Variants in RSRC1 observed in about 807,000 individuals in gnomAD.
RSRC1 encodes the protein serine/Arginine-related protein 53.
In RSRC1, 39 loss-of-function variants were observed where a neutral mutation model predicts 49.1. That is an observed-to-expected ratio of 0.79 (90% CI 0.61 to 1.04). RSRC1 has a LOEUF of 1.04. Among genes scored for constraint, RSRC1 ranks in the 50% least tolerant of loss-of-function variants. The pLI is 0.00. For synonymous variants in RSRC1, 143 were observed against 130.8 expected, an observed-to-expected ratio of 1.09 and a Z score of -0.63; for missense variants, 388 against 402.4, an observed-to-expected ratio of 0.96 and a Z score of 0.31.
intron 7 of RSRC1, among the ~76,000 whole-genome samples, chr3:158,483,266 ACATTCT>A (rs1342499822): frequency 1.3e-5 from 2 of 152,032 alleles, no homozygotes; most frequent in Non-Finnish European, 2.9e-5. Context: ...TAAACACTAA[ACATTCT>A]CAGTAATATT....
chr3:158,262,236 T>G (rs139287355), intron 4 of RSRC1, among the ~76,000 whole-genome samples: 120 of 152,364 alleles, frequency 7.9e-4, no homozygotes, highest in African/African-American at 2.8e-3. Context: ...TTCTGTTTAC[T>G]TCTACCAGTT....
At chr3:158,236,986 T>A (rs141989253) in intron 4 of RSRC1, among the ~76,000 whole-genome samples, 1 of 152,268 alleles carries the variant, frequency 6.6e-6, no homozygotes, top group East Asian at 1.9e-4. Context: ...TAGATAAAAC[T>A]GGTTTTAGGT....
At chr3:158,201,597 T>G (rs1721050796) in intron 3 of RSRC1, among the ~76,000 whole-genome samples, 1 of 152,204 alleles carries the variant, frequency 6.6e-6, no homozygotes, top group Non-Finnish European at 1.5e-5. Context: ...TTTATTTGCA[T>G]GTATACAGAT....
intron 3 of RSRC1, among the ~76,000 whole-genome samples, chr3:158,184,106 G>A (rs1719789013): frequency 6.6e-6 from 1 of 151,892 alleles, no homozygotes; most frequent in South Asian, 2.1e-4. Context: ...AAACATGCAG[G>A]ATAAAGATCC....
chr3:158,275,963 G>T lies in RSRC1; in HGVS notation c.495-22076G>T, dbSNP rs1024461612. On this transcript the variant is annotated intron_variant, in intron 4 of 9. Transcript: ENST00000611884. ...ACACATTTCCCTGTGCTTGTGGACTGGTTCGGTGATCCATGGGTGTCAGGA... is the reference window on the plus strand; with the variant it reads ...ACACATTTCCCTGTGCTTGTGGACTTGTTCGGTGATCCATGGGTGTCAGGA... 7 of 750,812 alleles carry T rather than the reference G, an allele frequency of 9.3e-6. No individual in the cohort carries two copies. The Middle Eastern group carries it at 1.1e-3, about 122-fold the overall frequency. 46.5% of individuals were successfully genotyped at this position (750,812 alleles called of 1,614,324 possible). A position where few individuals can be genotyped will look rare whatever the true frequency, so the allele number is the denominator to read the frequency against.
rs535649259 is a variant in RSRC1, at chr3:158,255,546, G to A, written c.495-42493G>A. ...TGGCTTAGGATTGACTTGGAGATGC[G>A]GGCTCTTTTTTGGTTCCATATGGAC... On this transcript the variant is annotated intron_variant, in intron 4 of 9. Coordinates refer to ENST00000611884, the MANE Select transcript of RSRC1 (RefSeq NM_001271838.2). 7.2e-4 allele frequency among the ~76,000 whole-genome samples: 109 copies of A among 152,164 alleles called. 1 individual carries two copies. The highest frequency in any genetic ancestry group is 2.4e-3 in the African/African-American group (101 of 41,512).
intron 4 of RSRC1, among the ~76,000 whole-genome samples, chr3:158,254,852 T>C (rs981618067): frequency 6.6e-6 from 1 of 152,220 alleles, no homozygotes; most frequent in African/African-American, 2.4e-5. Flanking sequence ...GTCTGTTGGC[T>C]GCATAAATGT....
chr3:158,379,735 C>T (rs916181537), intron 6 of RSRC1, among the ~76,000 whole-genome samples: 1 of 147,586 alleles, frequency 6.8e-6, no homozygotes, highest in African/African-American at 2.4e-5. Context: ...TACTCTCTTG[C>T]CTCCTTCAGG....
At chr3:158,287,134 C>A (rs1178602174) in intron 4 of RSRC1, among the ~76,000 whole-genome samples, 2 of 152,098 alleles carry the variant, frequency 1.3e-5, no homozygotes, top group African/African-American at 4.8e-5. Context: ...CCTTTTCCCT[C>A]AGTTTTAACA....
At chr3:158,530,301 G>A (rs1353543495) in intron 7 of RSRC1, among the ~76,000 whole-genome samples, 1 of 151,762 alleles carries the variant, frequency 6.6e-6, no homozygotes, top group Non-Finnish European at 1.5e-5. Context: ...TCGCTGTGTG[G>A]AGCACAGGTT....
chr3:158,391,830 T>C (rs1041366360), intron 6 of RSRC1, among the ~76,000 whole-genome samples: 3 of 152,048 alleles, frequency 2.0e-5, no homozygotes, highest in African/African-American at 7.2e-5. Context: ...ATTTCAAAAA[T>C]AGCTAGTTTG....
intron 6 of RSRC1, among the ~76,000 whole-genome samples, chr3:158,360,578 T>C (rs183715914): frequency 6.6e-6 from 1 of 152,252 alleles, no homozygotes; most frequent in East Asian, 1.9e-4. Context: ...AGCCGTAACT[T>C]GTGTTTGTTA....
chr3:158,244,564 ATATTGGCC>A (rs1222394029), intron 4 of RSRC1, among the ~76,000 whole-genome samples: 1 of 152,138 alleles, frequency 6.6e-6, no homozygotes, highest in East Asian at 1.9e-4. Context: ...TTCATCAAGG[ATATTGGCC>A]TGAAGTTTTC....
intron 6 of RSRC1, among the ~76,000 whole-genome samples, chr3:158,388,663 G>A (rs963843485): frequency 2.0e-5 from 3 of 148,520 alleles, no homozygotes; most frequent in Admixed American, 6.7e-5. Flanking sequence ...CAGGCTGAAC[G>A]CAGTGGCGAG....
intron 5 of RSRC1, among the ~76,000 whole-genome samples, chr3:158,347,372 C>T (rs927663527): frequency 6.6e-6 from 1 of 152,146 alleles, no homozygotes; most frequent in South Asian, 2.1e-4. Flanking sequence ...CACCATTTCC[C>T]TATGAGATGT....
chr3:158,513,673 A>G (rs189392902), intron 7 of RSRC1, among the ~76,000 whole-genome samples: 42 of 152,312 alleles, frequency 2.8e-4, no homozygotes, highest in African/African-American at 9.9e-4. Flanking sequence ...ATTGATTGGA[A>G]TAGTTTCAGA....
intron 5 of RSRC1, among the ~76,000 whole-genome samples, chr3:158,322,159 T>C (rs902485120): frequency 6.6e-6 from 1 of 152,186 alleles, no homozygotes; most frequent in African/African-American, 2.4e-5. Context: ...TGAACTGATT[T>C]CTTGATTTTT....
At chr3:158,147,350 C>T (rs1021025242) in intron 3 of RSRC1, among the ~76,000 whole-genome samples, 1 of 151,826 alleles carries the variant, frequency 6.6e-6, no homozygotes, top group African/African-American at 2.4e-5. Context: ...AATTGATCCT[C>T]TCATCTCAAC....
intron 4 of RSRC1, among the ~76,000 whole-genome samples, chr3:158,239,583 G>A (rs1383595853): frequency 6.6e-6 from 1 of 151,810 alleles, no homozygotes; most frequent in South Asian, 2.1e-4. Context: ...ATGGGGTGGG[G>A]GGCTGGGGGA....
Sources: allele counts gnomAD v4.1 joint callset (sites outside exome capture counted in the v4.1 genomes callset), GRCh38; gene constraint gnomAD v4.1.1; transcripts MANE v1.5; gene names NCBI Gene and HGNC (gene_info 2026-07-23, HGNC 2026-07-21).